Variants in SORBS2 observed in about 807,000 individuals in gnomAD.
SORBS2 encodes sorbin and SH3 domain-containing protein 2.
Under a neutral mutation model 97.7 loss-of-function variants are expected in SORBS2, and 46 were observed. That is an observed-to-expected ratio of 0.47 (90% CI 0.37 to 0.60). The LOEUF is 0.60. Ranked by LOEUF, SORBS2 falls within the 20% of genes least tolerant of loss-of-function variation. The pLI, the probability that SORBS2 is intolerant of heterozygous loss-of-function variation, is 0.00. For missense variants in SORBS2, 1,316 were observed against 1,282.3 expected (o/e 1.03, Z -0.40); for synonymous variants, 476 against 473.4 (o/e 1.01, Z -0.07).
At chr4:185,725,453 T>C (rs1374044337) in intron 2 of SORBS2, among the ~76,000 whole-genome samples, 1 of 152,198 alleles carries the variant, frequency 6.6e-6, no homozygotes, top group Non-Finnish European at 1.5e-5. Context: ...CATCCCAATA[T>C]AGATTCTAGC....
At chr4:185,754,259 G>C (rs1290276358) in intron 2 of SORBS2, among the ~76,000 whole-genome samples, 1 of 152,110 alleles carries the variant, frequency 6.6e-6, no homozygotes, top group Non-Finnish European at 1.5e-5. Flanking sequence ...AGTACATATG[G>C]ACACAAAGAA....
chr4:185,913,942 C>CAGTA (rs2099256715), intron 1 of SORBS2, among the ~76,000 whole-genome samples: 1 of 152,174 alleles, frequency 6.6e-6, no homozygotes, highest in Non-Finnish European at 1.5e-5. Context: ...AATTTTAATC[C>CAGTA]AGTAGTGCTT....
At chr4:185,615,592 C>T (rs113844123) in intron 9 of SORBS2, among the ~76,000 whole-genome samples, 1 of 151,548 alleles carries the variant, frequency 6.6e-6, no homozygotes, top group East Asian at 1.9e-4. Flanking sequence ...CTGAAGCTTA[C>T]ATGAAGGAAA....
chr4:185,925,911 C>T (rs2099263384), intron 1 of SORBS2, among the ~76,000 whole-genome samples: 1 of 152,214 alleles, frequency 6.6e-6, no homozygotes, highest in African/African-American at 2.4e-5. Context: ...TCTCCTCTGG[C>T]AAGACAGGAC....
intron 1 of SORBS2, among the ~76,000 whole-genome samples, chr4:185,850,480 A>G (rs1197050714): frequency 6.6e-6 from 1 of 152,216 alleles, no homozygotes; most frequent in African/African-American, 2.4e-5. Flanking sequence ...TCCTGGCATC[A>G]CTGGCCTTGG....
intron 4 of SORBS2, 110 bp from the exon 15 acceptor site, chr4:185,638,272 A>C: frequency 1.4e-6 from 1 of 732,440 alleles, no homozygotes; most frequent in South Asian, 1.5e-5. Flanking sequence ...AACATGCATC[A>C]ACTCTCACCC....
At chr4:185,781,016 C>T (rs2099025936) in intron 1 of SORBS2, among the ~76,000 whole-genome samples, 1 of 152,214 alleles carries the variant, frequency 6.6e-6, no homozygotes, top group Admixed American at 6.5e-5. Flanking sequence ...CGGCTCACTG[C>T]AACCTCCACC....
chr4:185,910,193 CAAGT>C (rs2149874370), intron 1 of SORBS2, among the ~76,000 whole-genome samples: 1 of 152,140 alleles, frequency 6.6e-6, no homozygotes, highest in South Asian at 2.1e-4. Flanking sequence ...AAGGACACTA[CAAGT>C]AATAGCACTG....
intron 2 of SORBS2, among the ~76,000 whole-genome samples, chr4:185,708,905 C>T (rs1403866129): frequency 6.6e-6 from 1 of 152,230 alleles, no homozygotes; most frequent in East Asian, 1.9e-4. Context: ...TTAAAATCTG[C>T]ATTAGAATAT....
At chr4:185,851,187 G>T (rs1010202747) in intron 1 of SORBS2, among the ~76,000 whole-genome samples, 54 of 152,188 alleles carry the variant, frequency 3.5e-4, no homozygotes, top group African/African-American at 1.2e-3. Flanking sequence ...ATCATTTAGA[G>T]TGGAGAAGAT....
chr4:185,671,397 A>C (rs1461048635), intron 4 of SORBS2, among the ~76,000 whole-genome samples: 1 of 152,222 alleles, frequency 6.6e-6, no homozygotes. Flanking sequence ...TAGAGGTAGC[A>C]GAGGCTAGTG....
intron 2 of SORBS2, among the ~76,000 whole-genome samples, chr4:185,693,404 G>A (rs35651701): frequency 0.11 from 17,129 of 152,018 alleles, 1,026 homozygotes; most frequent in Middle Eastern, 0.19. Flanking sequence ...TCCTTCAAAC[G>A]TATTTAGTTT....
chr4:185,618,464 G>C (rs2096660967), intron 9 of SORBS2, 121 bp downstream of exon 21: 1 of 476,974 alleles, frequency 2.1e-6, no homozygotes, highest in African/African-American at 2.0e-5. Context: ...AATTAGAGTA[G>C]ATTGCTGCAT....
chr4:185,886,589 A>AG (rs2099239768), intron 1 of SORBS2, among the ~76,000 whole-genome samples: 1 of 151,002 alleles, frequency 6.6e-6, no homozygotes, highest in African/African-American at 2.4e-5. Flanking sequence ...GAAAAAAAAA[A>AG]GAAAAGAAAA....
intron 14 of SORBS2, 191 bp from the exon 27 acceptor site, chr4:185,587,879 T>C: frequency 3.8e-6 from 2 of 528,622 alleles, no homozygotes; most frequent in Non-Finnish European, 6.7e-6. Context: ...CCTGACGCTC[T>C]CACTGCCCCT....
At chr4:185,779,425 T>G (rs2099016550) in intron 1 of SORBS2, among the ~76,000 whole-genome samples, 1 of 152,252 alleles carries the variant, frequency 6.6e-6, no homozygotes, top group Non-Finnish European at 1.5e-5. Context: ...AAAATATATT[T>G]GAAAAACTGT....
intron 1 of SORBS2, among the ~76,000 whole-genome samples, chr4:185,910,067 A>G (rs2099254087): frequency 6.6e-6 from 1 of 152,018 alleles, no homozygotes; most frequent in African/African-American, 2.4e-5. Flanking sequence ...TTCAAGATCT[A>G]ATGAAAGGAA....
intron 2 of SORBS2, among the ~76,000 whole-genome samples, chr4:185,749,790 A>G (rs557798191): frequency 1.6e-4 from 24 of 152,372 alleles, no homozygotes; most frequent in African/African-American, 5.8e-4. Context: ...GCAGAAATAG[A>G]GACCACAGCT....
intron 6 of SORBS2, among the ~76,000 whole-genome samples, chr4:185,625,709 G>A (rs1232071394): frequency 6.6e-6 from 1 of 152,230 alleles, no homozygotes; most frequent in Non-Finnish European, 1.5e-5. Context: ...TCAGAGGAAA[G>A]ATGTGATGGA....
Sources: gnomAD v4.1 joint callset for allele counts (sites outside exome capture counted in the v4.1 genomes callset) on GRCh38, gnomAD v4.1.1 for gene constraint, MANE v1.5 for transcripts, NCBI Gene and HGNC (gene_info 2026-07-23, HGNC 2026-07-21) for gene names.